The following CMIP variants were observed in gnomAD, a reference collection of about 807,000 sequenced individuals.
CMIP encodes C-Maf-inducing protein.
In CMIP, 13 loss-of-function variants were observed where a neutral mutation model predicts 97.3. The observed-to-expected ratio is 0.13, with a 90% CI of 0.09 to 0.21. The LOEUF (loss-of-function observed/expected upper bound fraction) is 0.21. CMIP is among the 10% of genes least tolerant of loss of function. The pLI is 1.00. For synonymous variants in CMIP, 538 were observed against 436.3 expected (o/e 1.23, Z -2.91); for missense variants, 847 against 1,024.9 (o/e 0.83, Z 2.37).
At chr16:81,541,779 C>G (rs1482062079) in intron 1 of CMIP, among the ~76,000 whole-genome samples, 1 of 152,084 alleles carries the variant, frequency 6.6e-6, no homozygotes, top group Non-Finnish European at 1.5e-5. Flanking sequence ...TTCAGAGAAA[C>G]AGAAGCTGCA....
In CMIP at chr16:81,562,035, T is replaced by A. The variant is rs76658794; in HGVS notation, c.301-45532T>A. Among the ~76,000 whole-genome samples, 308 of 152,238 alleles carry A rather than the reference T, an allele frequency of 2.0e-3. 1 individual carries two copies. Among genetic ancestry groups the A allele is most frequent in the African/African-American group, 7.0e-3 (290 of 41,532 alleles). On this transcript the variant is annotated intron_variant, in intron 1 of 20. Transcript: ENST00000537098. Reference sequence around the variant, plus strand: ...GTGGTCGGACTCAGGATCTATCTGCTGGTAAAGAGGGCAGGACACACTCGT... The same window carrying A: ...GTGGTCGGACTCAGGATCTATCTGCAGGTAAAGAGGGCAGGACACACTCGT...
At chr16:81,695,271 C>T (rs1295487493) in intron 13 of CMIP, among the ~76,000 whole-genome samples, 2 of 152,216 alleles carry the variant, frequency 1.3e-5, no homozygotes, top group African/African-American at 2.4e-5. Flanking sequence ...TCCCTTCTAC[C>T]TTCTCCTTCC....
intron 1 of CMIP, among the ~76,000 whole-genome samples, chr16:81,552,309 A>T (rs2090675138): frequency 6.6e-6 from 1 of 151,776 alleles, no homozygotes; most frequent in Admixed American, 6.6e-5. Flanking sequence ...TGTAGTGGGG[A>T]TGTTCTTTTC....
intron 1 of CMIP, among the ~76,000 whole-genome samples, chr16:81,488,485 T>G (rs563431250): frequency 6.6e-6 from 1 of 152,198 alleles, no homozygotes; most frequent in Non-Finnish European, 1.5e-5. Context: ...ATCATTGTAG[T>G]CATCCACTCA....
At chr16:81,617,840 A>G (rs939393358) in intron 2 of CMIP, among the ~76,000 whole-genome samples, 45 of 152,226 alleles carry the variant, frequency 3.0e-4, no homozygotes, top group African/African-American at 1.1e-3. Context: ...AGGCCACAGG[A>G]TACAGTGGTA....
At chr16:81,539,917 C>T (rs537795410) in intron 1 of CMIP, among the ~76,000 whole-genome samples, 4 of 152,344 alleles carry the variant, frequency 2.6e-5, no homozygotes, top group Admixed American at 6.5e-5. Context: ...TGTCTCTCTA[C>T]GTGCTCCGTG....
intron 1 of CMIP, among the ~76,000 whole-genome samples, chr16:81,589,877 G>A (rs944656027): frequency 6.6e-6 from 1 of 152,196 alleles, no homozygotes; most frequent in Non-Finnish European, 1.5e-5. Context: ...TAAGTAAAAC[G>A]ACAAAGTGTA....
At chr16:81,679,614 G>T (rs1014400015) in intron 10 of CMIP, among the ~76,000 whole-genome samples, 2 of 151,970 alleles carry the variant, frequency 1.3e-5, no homozygotes, top group African/African-American at 4.8e-5. Context: ...GGTGTTGTGT[G>T]TGCCTGGGTG....
chr16:81,696,511 T>C lies in CMIP; in HGVS notation c.1531-49T>C, dbSNP rs766945812. The stretch of plus-strand genomic sequence containing the variant: ...TGTGTGCAGATCATGGTCGCCCTTG[T>C]CACCGGGGCTGCATGCAGCTCACAC... On this transcript the variant is annotated intron_variant, in intron 13 of 20. Coordinates refer to ENST00000537098, the MANE Select transcript of CMIP (RefSeq NM_198390.3). The C allele has an allele frequency of 5.8e-6, 9 of 1,556,654 alleles. No individual in the cohort carries two copies. In the South Asian group the frequency reaches 1.0e-4, roughly 18 times the overall value.
At chr16:81,626,163 G>A (rs1236432877) in intron 3 of CMIP, among the ~76,000 whole-genome samples, 1 of 152,242 alleles carries the variant, frequency 6.6e-6, no homozygotes, top group African/African-American at 2.4e-5. Flanking sequence ...CTCCTCTGTG[G>A]AGAAAGGTGG....
At chr16:81,470,902 G>A (rs548434475) in intron 1 of CMIP, among the ~76,000 whole-genome samples, 2 of 152,350 alleles carry the variant, frequency 1.3e-5, no homozygotes, top group South Asian at 2.1e-4. Context: ...TCCTTTCTTG[G>A]GAAAGAAAAG....
At chr16:81,456,449 G>A (rs1253597692) in intron 1 of CMIP, among the ~76,000 whole-genome samples, 1 of 152,198 alleles carries the variant, frequency 6.6e-6, no homozygotes, top group Non-Finnish European at 1.5e-5. Context: ...GTGAGCACAG[G>A]AACCCTGGCA....
At chr16:81,682,188 A>G (rs1381977747) in intron 10 of CMIP, among the ~76,000 whole-genome samples, 4 of 151,666 alleles carry the variant, frequency 2.6e-5, no homozygotes, top group Admixed American at 2.0e-4. Context: ...TGGGTGACAG[A>G]GCAAGACTCC....
intron 1 of CMIP, among the ~76,000 whole-genome samples, chr16:81,521,048 C>T (rs972773348): frequency 1.3e-5 from 2 of 152,232 alleles, no homozygotes; most frequent in African/African-American, 4.8e-5. Context: ...GAGCTTTTTG[C>T]AGCCTGGGAA....
intron 1 of CMIP, among the ~76,000 whole-genome samples, chr16:81,553,352 G>T (rs1277378827): frequency 6.6e-6 from 1 of 152,180 alleles, no homozygotes; most frequent in Non-Finnish European, 1.5e-5. Flanking sequence ...ACCCAGGACC[G>T]TATTTGCAAA....
At chr16:81,551,029 G>C (rs375992091) in intron 1 of CMIP, among the ~76,000 whole-genome samples, 2 of 76,704 alleles carry the variant, frequency 2.6e-5, no homozygotes, top group Non-Finnish European at 2.4e-5. Context: ...TTCATCACAC[G>C]CACCCCAGTC....
At position 81,705,585 on chromosome 16, in the gene CMIP, T is replaced by C. The variant is rs769818838; in HGVS notation, c.2178T>C (p.Ala726=). The change falls in exon 19 of 21, where the codon GCT becomes GCC. Residue 726 remains alanine, a synonymous_variant. Coordinates refer to ENST00000537098, the MANE Select transcript of CMIP (RefSeq NM_198390.3). The part of the protein sequence containing the change: ...LNLCETPVTD[A]GLLALSSMKS... ...TGTGCGAGACCCCGGTCACAGACGC[T>C]GGCCTGCTGGCCCTGAGCTGTGAGT... 3 of 1,603,696 alleles carry C rather than the reference T, an allele frequency of 1.9e-6. No individual in the cohort carries two copies. Among genetic ancestry groups the C allele is most frequent in the Non-Finnish European group, 2.6e-6 (3 of 1,176,434 alleles).
At chr16:81,484,953 CT>C (rs148346622) in intron 1 of CMIP, among the ~76,000 whole-genome samples, 473 of 151,540 alleles carry the variant, frequency 3.1e-3, no homozygotes, top group African/African-American at 0.011. Context: ...CTGAAAACCT[CT>C]TTTTTTTTCT....
At chr16:81,564,679 C>A (rs1333793304) in intron 1 of CMIP, among the ~76,000 whole-genome samples, 2 of 152,200 alleles carry the variant, frequency 1.3e-5, no homozygotes, top group Non-Finnish European at 2.9e-5. Flanking sequence ...GGATTTTAAA[C>A]AAGCAAGCCT....
Sources: allele counts gnomAD v4.1 joint callset (sites outside exome capture counted in the v4.1 genomes callset), GRCh38; gene constraint gnomAD v4.1.1; transcripts MANE v1.5; gene names NCBI Gene and HGNC (gene_info 2026-07-23, HGNC 2026-07-21).